Variants in PIGN observed in about 807,000 individuals in gnomAD.
PIGN encodes phosphatidylinositol glycan anchor biosynthesis class N.
PIGN carries 117 observed loss-of-function variants against 125.4 expected under a neutral mutation model. The ratio of observed to expected loss-of-function variants is 0.93; its 90% CI spans 0.80 to 1.09. The LOEUF is 1.09. Among genes scored for constraint, PIGN ranks in the 50% least tolerant of loss-of-function variants. The probability of loss-of-function intolerance (pLI) is 0.00; values close to 1 mark genes in which losing one functional copy is unlikely to be tolerated. For synonymous variants in PIGN, 392 were observed against 377.8 expected, an observed-to-expected ratio of 1.04 and a Z score of -0.44; for missense variants, 1,075 against 1,094.9, an observed-to-expected ratio of 0.98 and a Z score of 0.26.
chr18:62,031,475 G>A (rs1311678924), intron 23 of PIGN, among the ~76,000 whole-genome samples: 2 of 152,184 alleles, frequency 1.3e-5, no homozygotes, highest in African/African-American at 4.8e-5. Context: ...TGAACCTTCT[G>A]AGTCCACTGA....
intron 23 of PIGN, among the ~76,000 whole-genome samples, chr18:62,093,351 C>G (rs2034048394): frequency 6.6e-6 from 1 of 152,028 alleles, no homozygotes; most frequent in Non-Finnish European, 1.5e-5. Context: ...TTAAAACAAT[C>G]AATAGTTCAT....
At chr18:62,021,920 TG>T (rs1414784832) in intron 23 of PIGN, among the ~76,000 whole-genome samples, 2 of 152,228 alleles carry the variant, frequency 1.3e-5, no homozygotes, top group Non-Finnish European at 1.5e-5. Flanking sequence ...ATTTAGTTCC[TG>T]TGGCTACAGG....
intron 27 of PIGN, 42 bp from the exon 28 acceptor site, chr18:62,082,788 T>C: frequency 2.9e-6 from 3 of 1,042,738 alleles, no homozygotes; most frequent in South Asian, 3.0e-5. Context: ...AACTGAAGCA[T>C]CTGAAACACT....
intron 1 of PIGN, among the ~76,000 whole-genome samples, chr18:62,168,728 T>C (rs1466354584): frequency 6.6e-6 from 1 of 152,124 alleles, no homozygotes; most frequent in East Asian, 1.9e-4. Context: ...TACTGAGGCA[T>C]AATTGACCAA....
Position 62,139,044 on chromosome 18 carries a change from GTGT to G in PIGN, c.1052_1054del (p.Asn351del). 6.2e-7 allele frequency: 1 copy of G among 1,607,118 alleles called. No individual in the cohort carries two copies. Among genetic ancestry groups the G allele is most frequent in the Non-Finnish European group, 8.5e-7 (1 of 1,175,738 alleles). ...CATGCTCTCTGCTTTGAAGAGATCA[GTGT>G]TGTTAAGATAATCCACAGGAAGGAT... On this transcript the variant is annotated inframe_deletion, in exon 13 of 31. Coordinates refer to ENST00000640252, the MANE Select transcript of PIGN (RefSeq NM_176787.5).
chr18:62,061,428 AGC>A lies in PIGN; in HGVS notation c.2672+11243_2672+11244del, dbSNP rs1568129514. On this transcript the variant is annotated intron_variant, in intron 30 of 30. Coordinates refer to ENST00000640252, the MANE Select transcript of PIGN (RefSeq NM_176787.5). ...TTCAGGAATAAATGCAAAAAAAAAA[AGC>A]AATAAAGGAGCTTGCAGTGAGCCGA... Among the ~76,000 whole-genome samples, 1,429 of 149,474 alleles carry A rather than the reference AGC, an allele frequency of 9.6e-3. 50 individuals are homozygous for A. Among genetic ancestry groups the A allele is most frequent in the East Asian group, 0.074 (375 of 5,050 alleles).
Position 62,125,983 on chromosome 18 carries a change from G to A in PIGN, c.1173-11344C>T, listed in dbSNP as rs574649814. On this transcript the variant is annotated intron_variant, in intron 14 of 30. Coordinates refer to ENST00000640252, the MANE Select transcript of PIGN (RefSeq NM_176787.5). ...CAAAAGTTTTATGACTTACTAGTTG[G>A]TGATTACTAGAACCCATCAAGGGTT... 9.9e-4 allele frequency among the ~76,000 whole-genome samples: 150 copies of A among 151,986 alleles called. 1 individual carries two copies. Among genetic ancestry groups the A allele is most frequent in the African/African-American group, 3.5e-3 (145 of 41,474 alleles).
chr18:62,110,044 A>T (rs1048751030), intron 16 of PIGN, 71 bp from the exon 17 acceptor site: 22 of 1,451,082 alleles, frequency 1.5e-5, no homozygotes, highest in Admixed American at 7.3e-5. Flanking sequence ...AAGAGATTTT[A>T]TAAAGTAAAG....
At chr18:62,073,865 G>C (rs560340387) in intron 29 of PIGN, among the ~76,000 whole-genome samples, 1 of 152,334 alleles carries the variant, frequency 6.6e-6, no homozygotes, top group African/African-American at 2.4e-5. Context: ...GAATGTCATG[G>C]AATGTCATGC....
chr18:62,130,894 A>T (rs2146987050), intron 14 of PIGN, among the ~76,000 whole-genome samples: 1 of 152,290 alleles, frequency 6.6e-6, no homozygotes, highest in East Asian at 1.9e-4. Context: ...TTCTAGAATA[A>T]TTTTCATTCC....
At chr18:62,112,737 T>C in intron 16 of PIGN, 1 of 189,364 alleles carries the variant, frequency 5.3e-6, no homozygotes, top group Non-Finnish European at 1.1e-5. Context: ...TTTATTGTTC[T>C]CTAGCTCCCA....
intron 14 of PIGN, among the ~76,000 whole-genome samples, chr18:62,125,331 T>C (rs928983112): frequency 1.3e-5 from 2 of 152,030 alleles, no homozygotes; most frequent in African/African-American, 4.8e-5. Flanking sequence ...ACTTTGTAAG[T>C]TGCATTTTGT....
intron 23 of PIGN, among the ~76,000 whole-genome samples, chr18:62,035,146 CT>C (rs1241226788): frequency 6.6e-6 from 1 of 152,126 alleles, no homozygotes; most frequent in Non-Finnish European, 1.5e-5. Context: ...TGAGACATGA[CT>C]TTGCTCCTCA....
chr18:62,030,131 G>A (rs529715818), intron 23 of PIGN, among the ~76,000 whole-genome samples: 1 of 152,324 alleles, frequency 6.6e-6, no homozygotes, highest in Non-Finnish European at 1.5e-5. Flanking sequence ...GATCTTATAA[G>A]CCAGAATGTC....
At chr18:62,076,939 T>C (rs751596653) in intron 28 of PIGN, among the ~76,000 whole-genome samples, 12 of 152,288 alleles carry the variant, frequency 7.9e-5, no homozygotes, top group Non-Finnish European at 1.6e-4. Context: ...CTAGCACTAG[T>C]TTTAGTGGTT....
intron 28 of PIGN, among the ~76,000 whole-genome samples, chr18:62,077,344 G>C (rs2033225970): frequency 6.6e-6 from 1 of 152,174 alleles, no homozygotes; most frequent in South Asian, 2.1e-4. Flanking sequence ...CTGCACTCCA[G>C]CCTGGGTGAC....
At position 62,116,475 on chromosome 18, in the gene PIGN, T is replaced by C. The variant is rs575212329; in HGVS notation, c.1173-1836A>G. ...TTCCCATTATCGCAAATGTGTACCC[T>C]CAGCTGCATAATGGTGAAACTCTTC... is the stretch of plus-strand genomic sequence containing the variant. On this transcript the variant is annotated intron_variant, in intron 14 of 30. Transcript: ENST00000640252. Among the ~76,000 whole-genome samples, 3 of 152,316 alleles carry C rather than the reference T, an allele frequency of 2.0e-5. No individual in the cohort carries two copies. In the South Asian group the frequency reaches 6.2e-4, roughly 32 times the overall value.
chr18:62,110,597 G>A (rs775317780), intron 16 of PIGN, among the ~76,000 whole-genome samples: 11 of 151,954 alleles, frequency 7.2e-5, no homozygotes, highest in Admixed American at 2.6e-4. Flanking sequence ...CATTCAATCC[G>A]TTGAAAACCT....
At chr18:62,151,240 C>T (rs898890314) in intron 7 of PIGN, among the ~76,000 whole-genome samples, 2 of 152,096 alleles carry the variant, frequency 1.3e-5, no homozygotes, top group African/African-American at 2.4e-5. Context: ...GGGGTCTTCC[C>T]CGACCACTAG....
Sources: gnomAD v4.1 joint callset for allele counts (sites outside exome capture counted in the v4.1 genomes callset) on GRCh38, gnomAD v4.1.1 for gene constraint, MANE v1.5 for transcripts, NCBI Gene and HGNC (gene_info 2026-07-23, HGNC 2026-07-21) for gene names.